Variants in CACNA1C observed in about 807,000 individuals in gnomAD.
The protein encoded by CACNA1C is voltage-dependent L-type calcium channel subunit alpha-1C.
In CACNA1C, 30 loss-of-function variants were observed where a neutral mutation model predicts 229.0. That is an observed-to-expected ratio of 0.13 (90% CI 0.10 to 0.18). The LOEUF (loss-of-function observed/expected upper bound fraction) is 0.18, where lower values mean the gene tolerates loss of function less well. CACNA1C is among the 10% of genes least tolerant of loss of function. The probability of loss-of-function intolerance (pLI) is 1.00; values close to 1 mark genes in which losing one functional copy is unlikely to be tolerated. For missense variants in CACNA1C, 1,658 were observed against 2,845.0 expected, an observed-to-expected ratio of 0.58 and a Z score of 9.49; for synonymous variants, 1,114 against 1,132.5, an observed-to-expected ratio of 0.98 and a Z score of 0.33.
At chr12:2,310,241 C>T (rs1292063024) in intron 3 of CACNA1C, among the ~76,000 whole-genome samples, 1 of 151,908 alleles carries the variant, frequency 6.6e-6, no homozygotes, top group African/African-American at 2.4e-5. Context: ...TCAGGGACCC[C>T]AACTCAGGTT....
rs2153706773 is a variant in CACNA1C at position 2,664,894 on chromosome 12, G to A, written c.4302G>A (p.Glu1434=). Residue 1434 remains glutamate (E), a synonymous_variant, in exon 35 of 47, where the codon GAG becomes GAA. Coordinates refer to ENST00000399655, the MANE Select transcript of CACNA1C (RefSeq NM_000719.7). ...ACMPGKKCAP[E]SEPSNSTEGE... is the part of the protein sequence containing the mutation. ...TGCCAGGCAAGAAGTGTGCCCCAGA[G>A]TCCGAGCCCAGCAACAGCACGGAGG... 6.2e-7 allele frequency: 1 copy of A among 1,613,652 alleles called. No homozygotes were observed. The highest frequency in any genetic ancestry group is 8.5e-7 in the Non-Finnish European group (1 of 1,179,704).
chr12:2,414,154 G>A (rs1442615624), intron 3 of CACNA1C, among the ~76,000 whole-genome samples: 1 of 152,178 alleles, frequency 6.6e-6, no homozygotes, highest in East Asian at 1.9e-4. Flanking sequence ...TGCCTTATCT[G>A]TAAGATGGGG....
chr12:2,022,785 T>A (rs1367562889), intron 1 of CACNA1C, among the ~76,000 whole-genome samples: 1 of 152,172 alleles, frequency 6.6e-6, no homozygotes, highest in Non-Finnish European at 1.5e-5. Flanking sequence ...GTAAAATGGG[T>A]TTTGTTATAC....
chr12:2,357,970 CA>C (rs34774514), intron 3 of CACNA1C, among the ~76,000 whole-genome samples: 52,084 of 106,034 alleles, frequency 0.49, 10,692 homozygotes, highest in Non-Finnish European at 0.52. Flanking sequence ...AACTCAGTCT[CA>C]AAAAAAAAAA....
intron 3 of CACNA1C, among the ~76,000 whole-genome samples, chr12:2,151,214 C>T (rs569729764): frequency 2.8e-4 from 42 of 152,118 alleles, no homozygotes; most frequent in Non-Finnish European, 5.1e-4. Flanking sequence ...CAGATCATCT[C>T]ATCCAATTCC....
At chr12:2,579,139 G>A (rs550092293) in intron 13 of CACNA1C, among the ~76,000 whole-genome samples, 1 of 152,120 alleles carries the variant, frequency 6.6e-6, no homozygotes, top group Non-Finnish European at 1.5e-5. Flanking sequence ...TGACCTGCTT[G>A]TCAGGCTCCC....
At position 2,474,628 on chromosome 12, in the gene CACNA1C, C is replaced by T. The variant is rs534067420; in HGVS notation, c.758-11476C>T. Among the ~76,000 whole-genome samples the T allele has an allele frequency of 1.7e-3, 254 of 152,134 alleles. 1 individual carries two copies. Among genetic ancestry groups the T allele is most frequent in the African/African-American group, 5.8e-3 (241 of 41,506 alleles). ...AAACTTAGCCAGACATGGTGGCACA[C>T]GCCGGTAATCCCAGTTGCTCGGGAG... On this transcript the variant is annotated intron_variant, in intron 5 of 46. Transcript: ENST00000399655.
At position 2,053,494 on chromosome 12, in the gene CACNA1C, C is replaced by T. The variant is rs971670660; in HGVS notation, c.-69C>T. 2.0e-6 allele frequency: 3 copies of T among 1,536,790 alleles called. No individual in the cohort carries two copies. In the Admixed American group the frequency reaches 6.1e-5, roughly 31 times the overall value. ...CCTCGGAGGAGGGATTAATCCAGAC[C>T]CGCCGGGGGGTGTTTTCACATTTCT... On this transcript the variant is annotated 5_prime_UTR_variant, in exon 1 of 47. Transcript: ENST00000399655. The surrounding 1 kb of genome is among the most constrained non-coding windows in gnomAD (Gnocchi z 5.8).
Position 2,467,531 on chromosome 12 carries a change from G to T in CACNA1C, c.757+9825G>T, listed in dbSNP as rs921499885. ...CGCTCCCCGCCTTCCCACCCAGGCA[G>T]CCTGGGGTTGTGCTCTGCAGATGGG... On this transcript the variant is annotated intron_variant, in intron 5 of 46. Transcript: ENST00000399655. The surrounding 1 kb of genome is among the most constrained non-coding windows in gnomAD (Gnocchi z 4.6). Among the ~76,000 whole-genome samples, 3 of 152,190 alleles carry T rather than the reference G, an allele frequency of 2.0e-5. No homozygotes were observed. The highest frequency in any genetic ancestry group is 4.4e-5 in the Non-Finnish European group (3 of 68,006).
At chr12:2,449,438 ACTC>A (rs1229577703) in intron 4 of CACNA1C, among the ~76,000 whole-genome samples, 1 of 151,742 alleles carries the variant, frequency 6.6e-6, no homozygotes, top group African/African-American at 2.4e-5. Context: ...CCTAGTGTGC[ACTC>A]CTCCCAGTGC....
chr12:2,441,525 C>G (rs923093983), intron 3 of CACNA1C, among the ~76,000 whole-genome samples: 2 of 152,202 alleles, frequency 1.3e-5, no homozygotes, highest in African/African-American at 2.4e-5. Flanking sequence ...AAGAGGAGCT[C>G]TTTATTCCGT....
chr12:2,421,358 G>A (rs2098977315), intron 3 of CACNA1C, among the ~76,000 whole-genome samples: 1 of 152,184 alleles, frequency 6.6e-6, no homozygotes, highest in Non-Finnish European at 1.5e-5. Context: ...GAGTCAATGA[G>A]GCAATGCCTG....
At chr12:2,437,874 TGGTGGTGGC>T (rs765607493) in intron 3 of CACNA1C, among the ~76,000 whole-genome samples, 10 of 147,996 alleles carry the variant, frequency 6.8e-5, no homozygotes, top group South Asian at 2.2e-4. Flanking sequence ...GTGGTGGTAA[TGGTGGTGGC>T]GGTGGTGATG....
chr12:2,604,659 C>T (rs556246867), intron 22 of CACNA1C, among the ~76,000 whole-genome samples: 1 of 152,306 alleles, frequency 6.6e-6, no homozygotes, highest in Non-Finnish European at 1.5e-5. Context: ...TGATTACAGA[C>T]CCATTTTACA....
chr12:2,081,018 A>G (rs2065380990), intron 1 of CACNA1C, among the ~76,000 whole-genome samples: 1 of 152,242 alleles, frequency 6.6e-6, no homozygotes, highest in African/African-American at 2.4e-5. Flanking sequence ...TTTTTAGATT[A>G]TACCAGCACA....
At chr12:2,484,144 G>A (rs2099688059) in intron 5 of CACNA1C, among the ~76,000 whole-genome samples, 1 of 152,142 alleles carries the variant, frequency 6.6e-6, no homozygotes, top group African/African-American at 2.4e-5. Flanking sequence ...TCAAACTGAG[G>A]TGCACTCTCC....
rs919679320 is a variant in CACNA1C, at chr12:2,004,512, A to G, written c.139+33311A>G. On this transcript the variant is annotated intron_variant, in intron 1 of 46. Transcript: ENST00000682462. ...CGCAGAACGAGCGAGCTGCCTCGCA[A>G]CCGAGAACCCACGGCGACCACACGG... 10 of 1,511,808 alleles carry G rather than the reference A, an allele frequency of 6.6e-6. No homozygotes were observed. In the African/African-American group the frequency reaches 8.3e-5, roughly 13 times the overall value. 93.6% of individuals were successfully genotyped at this position (1,511,808 alleles called of 1,614,324 possible). A position where few individuals can be genotyped will look rare whatever the true frequency, so the allele number is the denominator to read the frequency against.
chr12:2,175,809 G>A (rs1380668118), intron 3 of CACNA1C, among the ~76,000 whole-genome samples: 1 of 152,212 alleles, frequency 6.6e-6, no homozygotes, highest in Non-Finnish European at 1.5e-5. Flanking sequence ...AGCAGGACAG[G>A]TGCTTTCTCA....
chr12:2,188,505 C>T (rs1290036343), intron 3 of CACNA1C, among the ~76,000 whole-genome samples: 1 of 151,740 alleles, frequency 6.6e-6, no homozygotes, highest in African/African-American at 2.4e-5. Context: ...TTTTTCAGGA[C>T]AGTGAAAAAG....
Sources: allele counts gnomAD v4.1 joint callset (sites outside exome capture counted in the v4.1 genomes callset), GRCh38; gene constraint gnomAD v4.1.1; non-coding constraint Gnocchi (gnomAD v3.1); transcripts MANE v1.5; gene names NCBI Gene and HGNC (gene_info 2026-07-23, HGNC 2026-07-21).